Variants in PDE4B observed in about 807,000 individuals in gnomAD.
The protein encoded by PDE4B is 3',5'-cyclic-AMP phosphodiesterase 4B.
Under a neutral mutation model 82.2 loss-of-function variants are expected in PDE4B, and 20 were observed. That is an observed-to-expected ratio of 0.24 (90% confidence interval 0.17 to 0.35). The LOEUF is 0.35. PDE4B is among the 10% of genes least tolerant of loss of function. The pLI is 1.00. For missense variants in PDE4B, 655 were observed against 907.2 expected, an observed-to-expected ratio of 0.72 and a Z score of 3.57; for synonymous variants, 320 against 318.9, an observed-to-expected ratio of 1.00 and a Z score of -0.04.
At chr1:66,120,063 T>C (rs1321252088) in intron 3 of PDE4B, among the ~76,000 whole-genome samples, 6 of 152,206 alleles carry the variant, frequency 3.9e-5, no homozygotes, top group Admixed American at 3.9e-4. Context: ...TATATTTATG[T>C]TGTTTAAGCT....
At chr1:66,039,245 G>T (rs1654232058) in intron 3 of PDE4B, among the ~76,000 whole-genome samples, 1 of 151,962 alleles carries the variant, frequency 6.6e-6, no homozygotes. Flanking sequence ...ATCAACATTT[G>T]CATTTTTTAT....
At chr1:66,125,267 G>T (rs1474042265) in intron 3 of PDE4B, among the ~76,000 whole-genome samples, 1 of 150,904 alleles carries the variant, frequency 6.6e-6, no homozygotes, top group Non-Finnish European at 1.5e-5. Context: ...AGGTTCAAGC[G>T]ATTCTCCTGC....
chr1:65,815,209 C>T lies in PDE4B; in HGVS notation c.-71+21961C>T, dbSNP rs1174158191. The stretch of plus-strand genomic sequence containing the variant: ...TCTCCCAGTGCCATCCCTCCCCCCT[C>T]CCCCCCACCCTCAACACACATTTTT... On this transcript the variant is annotated intron_variant, in intron 1 of 16. Coordinates refer to ENST00000341517, the MANE Select transcript of PDE4B (RefSeq NM_002600.4). Among the ~76,000 whole-genome samples, 3 of 132,706 alleles carry T rather than the reference C, an allele frequency of 2.3e-5. No homozygotes were observed. In the East Asian group the frequency reaches 8.1e-4, roughly 36 times the overall value. The allele number at this position is 132,706 out of a possible 152,430, so 87.1% of individuals were successfully genotyped here.
In PDE4B at chr1:65,862,612, T is replaced by G. The variant is rs1465082606; in HGVS notation, c.-70-50633T>G. On this transcript the variant is annotated intron_variant, in intron 1 of 16. Coordinates refer to ENST00000341517, the MANE Select transcript of PDE4B (RefSeq NM_002600.4). The stretch of plus-strand genomic sequence containing the variant: ...TCTTTTTTTGTTGTTTGGAATAGTT[T>G]CAGAAGGAATGGTACTAGCTCCTCT... 2.6e-5 allele frequency among the ~76,000 whole-genome samples: 4 copies of G among 152,190 alleles called. No individual in the cohort carries two copies. The East Asian group carries it at 7.7e-4, about 29-fold the overall frequency.
rs190505543 is a variant in PDE4B at position 66,232,883 on chromosome 1, G to A, written c.282-14577G>A. ...TTAAGGAAATGGAGACAGCAATAAAGACAACTTGTTAGAAAGTTTTGTTTA... is the reference window on the plus strand; with the variant it reads ...TTAAGGAAATGGAGACAGCAATAAAAACAACTTGTTAGAAAGTTTTGTTTA... On this transcript the variant is annotated intron_variant, in intron 3 of 16. Coordinates refer to ENST00000341517, the MANE Select transcript of PDE4B (RefSeq NM_002600.4). 2.0e-5 allele frequency among the ~76,000 whole-genome samples: 3 copies of A among 152,286 alleles called. No individual in the cohort carries two copies. The East Asian group carries it at 5.8e-4, about 29-fold the overall frequency.
At chr1:65,910,429 G>A (rs1278580636) in intron 1 of PDE4B, among the ~76,000 whole-genome samples, 1 of 152,136 alleles carries the variant, frequency 6.6e-6, no homozygotes, top group Non-Finnish European at 1.5e-5. Flanking sequence ...CAGTCACTGT[G>A]CTAGGAACTG....
chr1:66,211,029 AT>A (rs1364018196), intron 3 of PDE4B, among the ~76,000 whole-genome samples: 7 of 152,234 alleles, frequency 4.6e-5, no homozygotes, highest in Non-Finnish European at 1.0e-4. Flanking sequence ...TTGCCTTCTA[AT>A]TATGACATCA....
chr1:66,147,428 C>A (rs1646298133), intron 3 of PDE4B, among the ~76,000 whole-genome samples: 2 of 152,168 alleles, frequency 1.3e-5, no homozygotes, highest in Admixed American at 1.3e-4. Context: ...GGAACCTGAA[C>A]CATGTCCCGT....
chr1:65,821,136 A>G (rs1025213572), intron 1 of PDE4B, among the ~76,000 whole-genome samples: 1 of 152,238 alleles, frequency 6.6e-6, no homozygotes, highest in Non-Finnish European at 1.5e-5. Context: ...TCTGTCTCTA[A>G]TGATGACTCC....
chr1:66,281,809 G>A (rs1656320541), intron 7 of PDE4B, among the ~76,000 whole-genome samples: 1 of 152,166 alleles, frequency 6.6e-6, no homozygotes, highest in Admixed American at 6.5e-5. Flanking sequence ...CTTCTATTAA[G>A]TCAATATCAT....
chr1:65,988,644 T>A (rs1338127462), intron 3 of PDE4B, among the ~76,000 whole-genome samples: 1 of 149,408 alleles, frequency 6.7e-6, no homozygotes, highest in Non-Finnish European at 1.5e-5. Flanking sequence ...GATTTTTTTT[T>A]AAAAGCTTCT....
At chr1:66,176,963 C>T (rs1462689096) in intron 3 of PDE4B, among the ~76,000 whole-genome samples, 2 of 152,186 alleles carry the variant, frequency 1.3e-5, no homozygotes, top group African/African-American at 4.8e-5. Context: ...GTCTAGGTTC[C>T]TCCTCTAATG....
At chr1:66,106,150 G>A (rs1371817171) in intron 3 of PDE4B, among the ~76,000 whole-genome samples, 2 of 152,140 alleles carry the variant, frequency 1.3e-5, no homozygotes, top group African/African-American at 4.8e-5. Flanking sequence ...TTAGCATGAA[G>A]CATTGTTGAA....
At position 65,793,221 on chromosome 1, in the gene PDE4B, A is replaced by AG. The variant is rs1182172473; in HGVS notation, c.-95dup. On this transcript the variant is annotated 5_prime_UTR_variant, in exon 1 of 17. The change creates a premature stop within an existing upstream ORF in the 5' untranslated region. Coordinates refer to ENST00000341517, the MANE Select transcript of PDE4B (RefSeq NM_002600.4). ...CAGCAGAGGCGCCTCGGGCAGGAGG[A>AG]GGGCGGCTTCTGCGAGGGCAGCCTG... is the stretch of plus-strand genomic sequence containing the variant. 2 of 152,310 alleles carry AG rather than the reference A, an allele frequency of 1.3e-5. No homozygotes were observed. Among genetic ancestry groups the AG allele is most frequent in the Non-Finnish European group, 2.9e-5 (2 of 68,228 alleles). 9.4% of individuals were successfully genotyped at this position (152,310 alleles called of 1,614,324 possible). A position where few individuals can be genotyped will look rare whatever the true frequency, so the allele number is the denominator to read the frequency against.
chr1:66,200,966 G>C (rs1046123923), intron 3 of PDE4B, among the ~76,000 whole-genome samples: 1 of 152,122 alleles, frequency 6.6e-6, no homozygotes, highest in Non-Finnish European at 1.5e-5. Flanking sequence ...CATTCAGTAT[G>C]ATATTGGCTG....
intron 3 of PDE4B, among the ~76,000 whole-genome samples, chr1:66,243,590 A>T (rs1426916502): frequency 6.6e-6 from 1 of 152,210 alleles, no homozygotes; most frequent in South Asian, 2.1e-4. Flanking sequence ...CAGAGAGCGC[A>T]TACTCTGGGA....
At chr1:66,258,365 T>G (rs571470906) in intron 6 of PDE4B, among the ~76,000 whole-genome samples, 15 of 152,366 alleles carry the variant, frequency 9.8e-5, no homozygotes, top group African/African-American at 3.6e-4. Context: ...AATTATATGA[T>G]CTTGGCATTT....
At chr1:66,221,620 G>A (rs543868109) in intron 3 of PDE4B, among the ~76,000 whole-genome samples, 4 of 152,232 alleles carry the variant, frequency 2.6e-5, no homozygotes, top group East Asian at 1.9e-4. Flanking sequence ...TTCAGTGACA[G>A]AATAATATTC....
At chr1:66,152,546 C>A in intron 3 of PDE4B, 1 of 294,350 alleles carries the variant, frequency 3.4e-6, no homozygotes, top group South Asian at 3.0e-5. Context: ...TGTATATGTA[C>A]ATATATATAA....
Sources: gnomAD v4.1 joint callset for allele counts (sites outside exome capture counted in the v4.1 genomes callset) on GRCh38, gnomAD v4.1.1 for gene constraint, MANE v1.5 for transcripts, NCBI Gene and HGNC (gene_info 2026-07-23, HGNC 2026-07-21) for gene names.